Variants in EPHA5 observed in about 807,000 individuals in gnomAD.
EPHA5 encodes EPH receptor A5.
A neutral mutation model predicts 105.0 loss-of-function variants in EPHA5; 60 were observed. The observed-to-expected ratio is 0.57, with a 90% CI of 0.46 to 0.71. The LOEUF (loss-of-function observed/expected upper bound fraction) is 0.71. Among genes scored for constraint, EPHA5 ranks in the 30% least tolerant of loss-of-function variants. The pLI, the probability that EPHA5 is intolerant of heterozygous loss-of-function variation, is 0.00. For synonymous variants in EPHA5, 513 were observed against 449.1 expected (o/e 1.14, Z -1.80); for missense variants, 1,218 against 1,274.7 (o/e 0.96, Z 0.68).
At chr4:65,343,211 C>G (rs1457990751) in intron 14 of EPHA5, among the ~76,000 whole-genome samples, 1 of 152,098 alleles carries the variant, frequency 6.6e-6, no homozygotes, top group Non-Finnish European at 1.5e-5. Flanking sequence ...TGTTTACTAT[C>G]AATAAATAGG....
intron 5 of EPHA5, among the ~76,000 whole-genome samples, chr4:65,424,244 C>T (rs1355968532): frequency 6.6e-6 from 1 of 151,996 alleles, no homozygotes; most frequent in East Asian, 1.9e-4. Context: ...TATACAAAAT[C>T]CTGTCATCAG....
At chr4:65,472,818 C>G (rs1215842705) in intron 5 of EPHA5, among the ~76,000 whole-genome samples, 2 of 152,204 alleles carry the variant, frequency 1.3e-5, no homozygotes, top group Admixed American at 6.5e-5. Flanking sequence ...AATTCTCTGA[C>G]AGGCCCTGGA....
chr4:65,382,720 T>G (rs548632924), intron 8 of EPHA5, among the ~76,000 whole-genome samples: 16 of 151,936 alleles, frequency 1.1e-4, no homozygotes, highest in Admixed American at 4.6e-4. Flanking sequence ...TTTACAATAA[T>G]TAAATCAGAA....
chr4:65,490,582 G>A lies in EPHA5; in HGVS notation c.1197C>T (p.Asn399=), dbSNP rs1731307740. The change falls in exon 5 of 17, where the codon AAC becomes AAT. Residue 399 remains asparagine, a synonymous_variant. Coordinates refer to ENST00000613740, the MANE Select transcript of EPHA5 (RefSeq NM_001281766.3). The part of the protein sequence containing the change: ...VSYYIACKKC[N]SHAGVCEECG... ...ACTCCTCACACACACCTGCATGGGA[G>A]TTGCACTTCTTGCATGCAATATAAT... is the stretch of plus-strand genomic sequence containing the variant. 1.9e-6 allele frequency: 3 copies of A among 1,614,110 alleles called. No individual in the cohort carries two copies. The highest frequency in any genetic ancestry group is 4.5e-5 in the East Asian group (2 of 44,862).
intron 5 of EPHA5, among the ~76,000 whole-genome samples, chr4:65,421,383 T>A (rs944629766): frequency 6.6e-6 from 1 of 152,116 alleles, no homozygotes; most frequent in African/African-American, 2.4e-5. Flanking sequence ...GCCTCCTAGT[T>A]CACTGTAGTG....
rs560398232 is a variant in EPHA5 at position 65,412,752 on chromosome 4, C to T, written c.1687+1532G>A. Among the ~76,000 whole-genome samples, 5 of 152,102 alleles carry T rather than the reference C, an allele frequency of 3.3e-5. No individual in the cohort carries two copies. In the South Asian group the frequency reaches 1.0e-3, roughly 32 times the overall value. On this transcript the variant is annotated intron_variant, in intron 7 of 16. Transcript: ENST00000613740. ...AACAGGAAATGATTAAGTATTAGTCCTCTAAGTCATCTGATTGAGTTTTGG... is the reference window on the plus strand; with the variant it reads ...AACAGGAAATGATTAAGTATTAGTCTTCTAAGTCATCTGATTGAGTTTTGG...
At chr4:65,452,062 A>C (rs1727119112) in intron 5 of EPHA5, among the ~76,000 whole-genome samples, 1 of 152,168 alleles carries the variant, frequency 6.6e-6, no homozygotes, top group South Asian at 2.1e-4. Context: ...CTATCCAGTA[A>C]ATATTTTTAA....
chr4:65,395,973 C>T (rs1413203848), intron 8 of EPHA5, among the ~76,000 whole-genome samples: 2 of 152,138 alleles, frequency 1.3e-5, no homozygotes, highest in Admixed American at 1.3e-4. Flanking sequence ...GGAAACCCAC[C>T]CCCTTCCAAA....
chr4:65,583,324 GA>G (rs1050595241), intron 3 of EPHA5, among the ~76,000 whole-genome samples: 1 of 151,542 alleles, frequency 6.6e-6, no homozygotes, highest in African/African-American at 2.4e-5. Context: ...AGTAAAAAAA[GA>G]AAACTAAAAT....
intron 5 of EPHA5, among the ~76,000 whole-genome samples, chr4:65,439,050 T>TAA (rs1725763404): frequency 6.6e-6 from 1 of 152,058 alleles, no homozygotes; most frequent in African/African-American, 2.4e-5. Context: ...TCCTATGAAG[T>TAA]AGATACTATC....
chr4:65,517,829 T>A (rs1734256998), intron 3 of EPHA5, among the ~76,000 whole-genome samples: 1 of 151,982 alleles, frequency 6.6e-6, no homozygotes, highest in South Asian at 2.1e-4. Flanking sequence ...AAAAAGTTTT[T>A]CAAAGTTTAA....
chr4:65,481,101 C>T (rs927959815), intron 5 of EPHA5, among the ~76,000 whole-genome samples: 4 of 152,058 alleles, frequency 2.6e-5, no homozygotes, highest in African/African-American at 9.7e-5. Context: ...CAAATTCCAC[C>T]ATAAACTCAT....
intron 11 of EPHA5, 33 bp from the exon 12 acceptor site, chr4:65,353,136 C>G (rs1176915751): frequency 4.2e-6 from 6 of 1,413,464 alleles, no homozygotes; most frequent in Non-Finnish European, 5.6e-6. Context: ...TAACCTGCTG[C>G]TCTTCGATTT....
At chr4:65,404,270 T>C (rs2148990045) in intron 8 of EPHA5, 104 bp downstream of exon 8, 1 of 791,202 alleles carries the variant, frequency 1.3e-6, no homozygotes, top group South Asian at 1.5e-5. Flanking sequence ...GCTGATATAT[T>C]GCTTGCCTGA....
At chr4:65,617,715 T>A (rs1745366191) in intron 2 of EPHA5, among the ~76,000 whole-genome samples, 1 of 152,130 alleles carries the variant, frequency 6.6e-6, no homozygotes. Context: ...AACTCAATTC[T>A]GTCACATGTT....
intron 2 of EPHA5, among the ~76,000 whole-genome samples, chr4:65,612,559 A>T (rs1421030600): frequency 6.6e-6 from 1 of 152,182 alleles, no homozygotes; most frequent in South Asian, 2.1e-4. Flanking sequence ...CATTTTCTTT[A>T]TCCAATCATC....
intron 14 of EPHA5, among the ~76,000 whole-genome samples, chr4:65,338,496 C>A (rs1721398183): frequency 6.6e-6 from 1 of 151,824 alleles, no homozygotes; most frequent in African/African-American, 2.4e-5. Context: ...ATCCTTCCTC[C>A]ACTAAGCACA....
intron 3 of EPHA5, among the ~76,000 whole-genome samples, chr4:65,525,179 T>A (rs1223797206): frequency 1.3e-5 from 2 of 151,768 alleles, no homozygotes; most frequent in Non-Finnish European, 2.9e-5. Flanking sequence ...ATTAACTAGT[T>A]ATCTCTTTTT....
chr4:65,667,149 C>G (rs1750034837), intron 1 of EPHA5, among the ~76,000 whole-genome samples: 1 of 152,120 alleles, frequency 6.6e-6, no homozygotes, highest in South Asian at 2.1e-4. Flanking sequence ...TTGGAAAACT[C>G]TAATCTGAAT....
Sources: allele counts gnomAD v4.1 joint callset (sites outside exome capture counted in the v4.1 genomes callset), GRCh38; gene constraint gnomAD v4.1.1; transcripts MANE v1.5; gene names NCBI Gene and HGNC (gene_info 2026-07-23, HGNC 2026-07-21).